Variants in RCAN2 observed in about 807,000 individuals in gnomAD.
The protein encoded by RCAN2 is calcipressin-2.
A neutral mutation model predicts 23.6 loss-of-function variants in RCAN2; 9 were observed. The ratio of observed to expected loss-of-function variants is 0.38; its 90% CI spans 0.23 to 0.67. The LOEUF (loss-of-function observed/expected upper bound fraction) is 0.67. Ranked by LOEUF, RCAN2 falls within the 30% of genes least tolerant of loss-of-function variation. The probability of loss-of-function intolerance (pLI) is 0.51; values close to 1 mark genes in which losing one functional copy is unlikely to be tolerated. For missense variants in RCAN2, 273 were observed against 302.3 expected (o/e 0.90, Z 0.72); for synonymous variants, 109 against 115.7 (o/e 0.94, Z 0.37).
intron 2 of RCAN2, among the ~76,000 whole-genome samples, chr6:46,452,343 C>T (rs1314667102): frequency 6.6e-6 from 1 of 152,060 alleles, no homozygotes; most frequent in Non-Finnish European, 1.5e-5. Context: ...ATAACAAACC[C>T]CAAAATCCCA....
intron 2 of RCAN2, among the ~76,000 whole-genome samples, chr6:46,429,091 A>T (rs1355782263): frequency 6.6e-6 from 1 of 152,206 alleles, no homozygotes; most frequent in Admixed American, 6.5e-5. Context: ...TTAAAAGATA[A>T]ACCACAGTGT....
intron 4 of RCAN2, among the ~76,000 whole-genome samples, chr6:46,231,999 G>A (rs1765909968): frequency 6.6e-6 from 1 of 152,206 alleles, no homozygotes; most frequent in African/African-American, 2.4e-5. Flanking sequence ...TAGAAGTGGT[G>A]AAATCATAGG....
chr6:46,340,476 C>G (rs1185539995), intron 2 of RCAN2, among the ~76,000 whole-genome samples: 1 of 152,128 alleles, frequency 6.6e-6, no homozygotes, highest in Non-Finnish European at 1.5e-5. Context: ...GAGCAGAAAA[C>G]AATTCATGCT....
intron 2 of RCAN2, among the ~76,000 whole-genome samples, chr6:46,421,492 C>T (rs937539946): frequency 3.3e-5 from 5 of 152,162 alleles, no homozygotes; most frequent in African/African-American, 1.2e-4. Flanking sequence ...TGACTTTTGA[C>T]ATGTTAAATT....
intron 2 of RCAN2, among the ~76,000 whole-genome samples, chr6:46,326,370 C>G (rs1415641880): frequency 1.3e-5 from 2 of 152,182 alleles, no homozygotes; most frequent in Non-Finnish European, 2.9e-5. Flanking sequence ...CGGGCAAACT[C>G]ACTGATGTGT....
At chr6:46,349,146 C>A (rs565872085) in intron 2 of RCAN2, among the ~76,000 whole-genome samples, 1 of 152,074 alleles carries the variant, frequency 6.6e-6, no homozygotes. Context: ...TGTTTCACAG[C>A]TTTTATTGTG....
intron 1 of RCAN2, among the ~76,000 whole-genome samples, chr6:46,460,692 G>C (rs1768180504): frequency 6.6e-6 from 1 of 152,224 alleles, no homozygotes; most frequent in Non-Finnish European, 1.5e-5. Flanking sequence ...CTTGAAAGCA[G>C]AGGCTGGGTT....
At chr6:46,344,325 AT>A (rs1011956249) in intron 2 of RCAN2, among the ~76,000 whole-genome samples, 2 of 152,108 alleles carry the variant, frequency 1.3e-5, no homozygotes, top group African/African-American at 4.8e-5. Flanking sequence ...TCTAGAAATG[AT>A]TTTTTTCACA....
intron 2 of RCAN2, among the ~76,000 whole-genome samples, chr6:46,392,611 A>G (rs1307182988): frequency 6.6e-6 from 1 of 152,180 alleles, no homozygotes; most frequent in African/African-American, 2.4e-5. Context: ...ATGGAACTGT[A>G]CCTGGTGTTT....
At chr6:46,246,664 C>T in intron 4 of RCAN2, 84 bp downstream of exon 4, 2 of 1,149,124 alleles carry the variant, frequency 1.7e-6, no homozygotes, top group Non-Finnish European at 2.6e-6. Flanking sequence ...TACTGTGAAC[C>T]CAGGATCTCA....
At chr6:46,415,804 T>A (rs1766696058) in intron 2 of RCAN2, among the ~76,000 whole-genome samples, 1 of 152,186 alleles carries the variant, frequency 6.6e-6, no homozygotes, top group Non-Finnish European at 1.5e-5. Context: ...AAATAATGAA[T>A]TTCATATACA....
chr6:46,458,830 AT>A (rs1768124505), intron 1 of RCAN2, among the ~76,000 whole-genome samples: 2 of 152,236 alleles, frequency 1.3e-5, no homozygotes, highest in South Asian at 4.1e-4. Context: ...TAGTAAAAAT[AT>A]TTAGTAAAAG....
chr6:46,308,686 A>C (rs1763147060), intron 2 of RCAN2, among the ~76,000 whole-genome samples: 1 of 152,216 alleles, frequency 6.6e-6, no homozygotes. Context: ...CAGGAGAAGA[A>C]GACCTGGAAA....
At chr6:46,359,152 T>G (rs1177094458) in intron 2 of RCAN2, among the ~76,000 whole-genome samples, 2 of 152,188 alleles carry the variant, frequency 1.3e-5, no homozygotes, top group African/African-American at 2.4e-5. Context: ...GCTGGTGCTG[T>G]TGCTGGTCCT....
At chr6:46,397,573 G>T (rs1026536947) in intron 2 of RCAN2, among the ~76,000 whole-genome samples, 3 of 152,102 alleles carry the variant, frequency 2.0e-5, no homozygotes, top group African/African-American at 7.2e-5. Flanking sequence ...TACTATTTTT[G>T]CAACTTTGTA....
chr6:46,249,661 C>A (rs1393031099), intron 2 of RCAN2, among the ~76,000 whole-genome samples: 3 of 152,086 alleles, frequency 2.0e-5, no homozygotes, highest in African/African-American at 4.8e-5. Context: ...AATATGGGAT[C>A]CACTCCATCC....
chr6:46,302,999 C>G (rs1397886086), intron 2 of RCAN2, among the ~76,000 whole-genome samples: 1 of 151,920 alleles, frequency 6.6e-6, no homozygotes, highest in East Asian at 1.9e-4. Flanking sequence ...CTGTTGGAGG[C>G]AGGTTTTCTC....
At chr6:46,252,846 C>T (rs80009871) in intron 2 of RCAN2, among the ~76,000 whole-genome samples, 238 of 152,196 alleles carry the variant, frequency 1.6e-3, no homozygotes, top group African/African-American at 5.2e-3. Context: ...TCCAAATATG[C>T]GGTTGGAAAA....
intron 2 of RCAN2, among the ~76,000 whole-genome samples, chr6:46,455,894 A>C (rs1768011404): frequency 7.5e-6 from 1 of 133,990 alleles, no homozygotes; most frequent in Non-Finnish European, 1.6e-5. Context: ...GAAAAAGAAA[A>C]AGAAAAAAAA....
Sources: allele counts gnomAD v4.1 joint callset (sites outside exome capture counted in the v4.1 genomes callset), GRCh38; gene constraint gnomAD v4.1.1; transcripts MANE v1.5; gene names NCBI Gene and HGNC (gene_info 2026-07-23, HGNC 2026-07-21).